DZIP1: variants seen among roughly 807,000 people sequenced by gnomAD.
DZIP1 encodes the protein DAZ interacting zinc finger protein 1.
Under a neutral mutation model 107.6 loss-of-function variants are expected in DZIP1, and 97 were observed. The ratio of observed to expected loss-of-function variants is 0.90; its 90% CI spans 0.77 to 1.07. DZIP1 has a LOEUF of 1.07. Among genes scored for constraint, DZIP1 ranks in the 50% least tolerant of loss-of-function variants. The pLI, the probability that DZIP1 is intolerant of heterozygous loss-of-function variation, is 0.00. For synonymous variants in DZIP1, 390 were observed against 386.4 expected (o/e 1.01, Z -0.11); for missense variants, 1,035 against 1,063.6 (o/e 0.97, Z 0.37).
chr13:95,616,201 G>C (rs916510611), intron 10 of DZIP1, among the ~76,000 whole-genome samples: 1 of 152,196 alleles, frequency 6.6e-6, no homozygotes, highest in Non-Finnish European at 1.5e-5. Flanking sequence ...GGAGGTGAAC[G>C]CCATCGTCCT....
chr13:95,584,827 C>G lies in DZIP1; in HGVS notation c.2433G>C (p.Gln811His). The G allele has an allele frequency of 6.2e-7, 1 of 1,614,108 alleles. No individual in the cohort carries two copies. Among genetic ancestry groups the G allele is most frequent in the Non-Finnish European group, 8.5e-7 (1 of 1,180,000 alleles). The change falls in exon 22 of 23, where the codon CAG (glutamine) becomes CAC (histidine). Residue 811 changes from glutamine to histidine, a missense_variant. Transcript: ENST00000376829. Reference sequence around the variant, plus strand: ...CATTTTTCGCAGGTGGAGGTTCCTTCTGTTCTTTCCCAGATTTTTTTCCCA... The same window carrying G: ...CATTTTTCGCAGGTGGAGGTTCCTTGTGTTCTTTCCCAGATTTTTTTCCCA... ...ISLGKKSGKE[Q>H]KEPPPAKNEP...
At chr13:95,601,437 T>A (rs1166806843) in intron 14 of DZIP1, among the ~76,000 whole-genome samples, 1 of 152,154 alleles carries the variant, frequency 6.6e-6, no homozygotes, top group Non-Finnish European at 1.5e-5. Context: ...TTCAAAAAAA[T>A]CCTTGTCAGT....
chr13:95,620,031 C>T, intron 9 of DZIP1, 84 bp from the exon 10 acceptor site: 6 of 1,416,304 alleles, frequency 4.2e-6, no homozygotes, highest in Non-Finnish European at 5.8e-6. Flanking sequence ...TAGTGAATAC[C>T]TATGAAACCC....
At chr13:95,589,756 G>T (rs1205255532) in intron 18 of DZIP1, 47 bp downstream of exon 18, 26 of 1,587,672 alleles carry the variant, frequency 1.6e-5, no homozygotes, top group Non-Finnish European at 2.2e-5. Flanking sequence ...AGCAGCCTGA[G>T]CTAAGACAAA....
intron 17 of DZIP1, 46 bp downstream of exon 17, chr13:95,590,233 A>G (rs777788835): frequency 8.0e-6 from 12 of 1,495,652 alleles, no homozygotes; most frequent in Non-Finnish European, 1.1e-5. Flanking sequence ...AAAAAAAGAA[A>G]AAGTTGTTAA....
intron 16 of DZIP1, among the ~76,000 whole-genome samples, 188 bp downstream of exon 16, chr13:95,593,756 G>T (rs977890758): frequency 1.3e-5 from 2 of 152,156 alleles, no homozygotes; most frequent in South Asian, 2.1e-4. Context: ...ATTTGTTAAG[G>T]TCGTAGAAAT....
intron 7 of DZIP1, among the ~76,000 whole-genome samples, chr13:95,627,882 T>C (rs886268456): frequency 6.6e-6 from 1 of 152,168 alleles, no homozygotes; most frequent in Non-Finnish European, 1.5e-5. Context: ...TGAAAATGAA[T>C]CAAATGTCAT....
At chr13:95,607,761 T>G (rs74707890) in intron 13 of DZIP1, among the ~76,000 whole-genome samples, 1,897 of 152,376 alleles carry the variant, frequency 0.012, 16 homozygotes, top group Non-Finnish European at 0.018. Context: ...CTATTAAAAT[T>G]GATCACAATT....
At chr13:95,610,055 A>AGTGTGTGTGTGTGTGTGTGT (rs58398816) in intron 12 of DZIP1, among the ~76,000 whole-genome samples, 2 of 109,254 alleles carry the variant, frequency 1.8e-5, no homozygotes, top group East Asian at 2.6e-4. Context: ...TGACTGGTTT[A>AGTGTGTGTGTGTGTGTGTGT]GTGTGTGTGT....
chr13:95,617,294 A>C (rs1391585640), intron 10 of DZIP1, among the ~76,000 whole-genome samples: 1 of 152,102 alleles, frequency 6.6e-6, no homozygotes, highest in East Asian at 1.9e-4. Context: ...CCTTGAAGTC[A>C]ACAGCCATGC....
intron 15 of DZIP1, 94 bp from the exon 16 acceptor site, chr13:95,594,180 A>G: frequency 1.0e-6 from 1 of 992,544 alleles, no homozygotes; most frequent in Non-Finnish European, 1.5e-6. Flanking sequence ...GCTTTTAAGC[A>G]GCAAGTAAGT....
intron 14 of DZIP1, among the ~76,000 whole-genome samples, chr13:95,602,640 T>C (rs1161289887): frequency 2.0e-5 from 3 of 152,242 alleles, no homozygotes; most frequent in African/African-American, 4.8e-5. Context: ...CAAAGACATG[T>C]TCACTGAAGA....
At chr13:95,599,008 T>C (rs2044537870) in intron 15 of DZIP1, among the ~76,000 whole-genome samples, 2 of 152,220 alleles carry the variant, frequency 1.3e-5, no homozygotes, top group Admixed American at 1.3e-4. Context: ...AAATCACCAC[T>C]ATGATACAAA....
chr13:95,625,008 A>G, intron 7 of DZIP1, 79 bp from the exon 8 acceptor site: 1 of 1,278,074 alleles, frequency 7.8e-7, no homozygotes, highest in African/African-American at 1.5e-5. Context: ...AGTTCATAGC[A>G]TCACTTCAAA....
chr13:95,592,625 C>T (rs1032226867), intron 16 of DZIP1, among the ~76,000 whole-genome samples: 1 of 152,192 alleles, frequency 6.6e-6, no homozygotes, highest in Non-Finnish European at 1.5e-5. Flanking sequence ...TCAGCAATTT[C>T]ATCCCTAGAT....
intron 15 of DZIP1, among the ~76,000 whole-genome samples, chr13:95,594,859 A>G (rs2044401819): frequency 8.7e-6 from 1 of 115,212 alleles, no homozygotes; most frequent in Non-Finnish European, 1.8e-5. Context: ...TTCCATCCCT[A>G]TCCCTTTTTT....
chr13:95,619,912 AT>A lies in DZIP1; in HGVS notation c.1145del (p.His382LeufsTer15). On this transcript the variant is annotated frameshift_variant, in exon 10 of 23. Coordinates refer to ENST00000376829, the MANE Select transcript of DZIP1 (RefSeq NM_198968.4). LOFTEE classifies it high-confidence loss of function. Reference protein sequence around the residue: ...SKWTARVQAIHQEHKKEKGRL... With the variant: ...SKWTARVQAIXQEHKKEKGRL... ...GACCCTTCTCTTTCTTGTGTTCTTG[AT>A]GAATAGCTTGAACTCGAGCTGTCCA... 1.9e-6 allele frequency: 3 copies of A among 1,613,936 alleles called. No homozygotes were observed. Among genetic ancestry groups the A allele is most frequent in the Non-Finnish European group, 2.5e-6 (3 of 1,179,980 alleles).
At chr13:95,628,260 C>T (rs1876786113) in intron 7 of DZIP1, among the ~76,000 whole-genome samples, 1 of 152,154 alleles carries the variant, frequency 6.6e-6, no homozygotes, top group South Asian at 2.1e-4. Flanking sequence ...GCAGACTGGT[C>T]TTGAACTCCT....
Position 95,590,125 on chromosome 13 carries a change from T to C in DZIP1, c.1843+154A>G, listed in dbSNP as rs117808967. 4.0e-3 allele frequency among the ~76,000 whole-genome samples: 607 copies of C among 152,336 alleles called. 7 individuals carry two copies. The highest frequency in any genetic ancestry group is 9.9e-3 in the South Asian group (48 of 4,826). ...AAATCCAAGACCCAGCATTTAATAG[T>C]ACAAACAGTAAAAGAGTTGCCAGTG... On this transcript the variant is annotated intron_variant, in intron 17 of 22. Coordinates refer to ENST00000376829, the MANE Select transcript of DZIP1 (RefSeq NM_198968.4).
Sources: gnomAD v4.1 joint callset for allele counts (sites outside exome capture counted in the v4.1 genomes callset) on GRCh38, gnomAD v4.1.1 for gene constraint, MANE v1.5 for transcripts, NCBI Gene and HGNC (gene_info 2026-07-23, HGNC 2026-07-21) for gene names.